The following TRHDE variants were observed in gnomAD, a reference collection of about 807,000 sequenced individuals.
The protein encoded by TRHDE is thyrotropin releasing hormone degrading enzyme, also known as thyrotropin-releasing hormone-degrading ectoenzyme.
A neutral mutation model predicts 125.7 loss-of-function variants in TRHDE; 72 were observed. The ratio of observed to expected loss-of-function variants is 0.57; its 90% confidence interval spans 0.47 to 0.70. The LOEUF is 0.70. TRHDE is among the 30% of genes least tolerant of loss of function. TRHDE has a pLI of 0.00. For synonymous variants in TRHDE, 509 were observed against 509.1 expected (o/e 1.00, Z 0.00); for missense variants, 1,110 against 1,327.1 (o/e 0.84, Z 2.54).
chr12:72,222,208 A>T (rs1429439133), intron 2 of TRHDE, among the ~76,000 whole-genome samples: 1 of 152,138 alleles, frequency 6.6e-6, no homozygotes, highest in Non-Finnish European at 1.5e-5. Context: ...TAGAGGACAT[A>T]GATCTGCTTT....
At chr12:72,102,407 G>A (rs921952021) in intron 1 of TRHDE, among the ~76,000 whole-genome samples, 2 of 152,236 alleles carry the variant, frequency 1.3e-5, no homozygotes, top group Non-Finnish European at 2.9e-5. Context: ...CCAGGAATTC[G>A]ATAGGTTCAT....
At chr12:72,120,382 GT>G (rs1875549750) in intron 2 of TRHDE, among the ~76,000 whole-genome samples, 2 of 151,766 alleles carry the variant, frequency 1.3e-5, no homozygotes, top group Admixed American at 1.3e-4. Flanking sequence ...TTTTCTAGTT[GT>G]TTTGTAGTCT....
At chr12:72,338,622 A>C (rs1869939594) in intron 2 of TRHDE, among the ~76,000 whole-genome samples, 2 of 152,196 alleles carry the variant, frequency 1.3e-5, no homozygotes, top group Non-Finnish European at 2.9e-5. Context: ...ACAAGGCTAT[A>C]AAGAGGACTC....
chr12:72,338,694 AGAT>A (rs1306896825), intron 2 of TRHDE, among the ~76,000 whole-genome samples: 1 of 152,190 alleles, frequency 6.6e-6, no homozygotes, highest in Admixed American at 6.5e-5. Context: ...ATCAGGTCGC[AGAT>A]GATGATGAAG....
intron 3 of TRHDE, among the ~76,000 whole-genome samples, chr12:72,394,014 T>A (rs1872700092): frequency 6.6e-6 from 1 of 152,190 alleles, no homozygotes; most frequent in Non-Finnish European, 1.5e-5. Flanking sequence ...ACCTGGCTCA[T>A]ACAAACATAG....
intron 5 of TRHDE, among the ~76,000 whole-genome samples, chr12:72,489,716 C>T (rs1877572855): frequency 6.6e-6 from 1 of 151,742 alleles, no homozygotes; most frequent in African/African-American, 2.4e-5. Flanking sequence ...TAATTTTTCA[C>T]AATGCCACCA....
intron 6 of TRHDE, among the ~76,000 whole-genome samples, chr12:72,516,375 A>G (rs1020490468): frequency 7.9e-5 from 12 of 151,996 alleles, no homozygotes; most frequent in African/African-American, 1.9e-4. Flanking sequence ...TTGTAAGTTC[A>G]ATTCCTAGGT....
intron 3 of TRHDE, among the ~76,000 whole-genome samples, chr12:72,380,767 CT>C (rs1565720510): frequency 2.7e-5 from 1 of 36,746 alleles, no homozygotes; most frequent in African/African-American, 9.2e-5. Context: ...TCCTTCCTTG[CT>C]TCCTTCCTTC....
rs1213422221 is a variant in TRHDE at position 72,621,344 on chromosome 12, G to C, written c.2567+139G>C. 3 of 644,608 alleles carry C rather than the reference G, an allele frequency of 4.7e-6. No homozygotes were observed. The East Asian group carries it at 8.4e-5, about 18-fold the overall frequency. The allele number at this position is 644,608 out of a possible 1,614,324, so 39.9% of individuals were successfully genotyped here. On this transcript the variant is annotated intron_variant, in intron 14 of 18. Coordinates refer to ENST00000261180, the MANE Select transcript of TRHDE (RefSeq NM_013381.3). ...TACATTTCACTTTCCCGAGAGGACT[G>C]CTGCTGGGTAGCACAGTTTCCATTG...
rs1362477086 is a variant in TRHDE, at chr12:72,652,472, C to T, written c.2826C>T (p.Asp942=). 1 of 1,605,826 alleles carries T rather than the reference C, an allele frequency of 6.2e-7. No homozygotes were observed. Among genetic ancestry groups the T allele is most frequent in the Non-Finnish European group, 8.5e-7 (1 of 1,175,750 alleles). Residue 942 remains aspartate, a synonymous_variant, in exon 16 of 19, where the codon GAC becomes GAT. Coordinates refer to ENST00000261180, the MANE Select transcript of TRHDE (RefSeq NM_013381.3). ...TGGAAGCCTTAACTTGCAGTGATGA[C>T]AGGAATTTATTAAACAGGTAGGCCG... ...ILLEALTCSD[D]RNLLNRLLNL...
At chr12:72,452,009 A>G (rs966567152) in intron 3 of TRHDE, among the ~76,000 whole-genome samples, 4 of 152,026 alleles carry the variant, frequency 2.6e-5, no homozygotes, top group Non-Finnish European at 4.4e-5. Flanking sequence ...TTGTATTTTT[A>G]GTAGAGACAG....
chr12:72,130,358 C>G (rs187391777), intron 2 of TRHDE, among the ~76,000 whole-genome samples: 184 of 152,184 alleles, frequency 1.2e-3, no homozygotes, highest in African/African-American at 4.2e-3. Flanking sequence ...TGAAAAAGAA[C>G]AGAAGTGCAG....
intron 2 of TRHDE, among the ~76,000 whole-genome samples, chr12:72,376,299 G>C (rs1871878638): frequency 6.6e-6 from 1 of 152,090 alleles, no homozygotes; most frequent in South Asian, 2.1e-4. Flanking sequence ...TTTCTCCTTA[G>C]AGCACTTCTT....
chr12:72,580,195 C>T (rs1211453173), intron 12 of TRHDE, among the ~76,000 whole-genome samples: 1 of 152,146 alleles, frequency 6.6e-6, no homozygotes, highest in Non-Finnish European at 1.5e-5. Flanking sequence ...TTCATTTATT[C>T]AGGTCCCAAA....
At chr12:72,374,678 G>A (rs1871792579) in intron 2 of TRHDE, among the ~76,000 whole-genome samples, 1 of 152,098 alleles carries the variant, frequency 6.6e-6, no homozygotes, top group Non-Finnish European at 1.5e-5. Flanking sequence ...GACAGGAAGT[G>A]ATCGATCAAC....
intron 2 of TRHDE, among the ~76,000 whole-genome samples, chr12:72,305,688 C>T (rs111487537): frequency 3.9e-5 from 6 of 152,146 alleles, no homozygotes; most frequent in South Asian, 4.2e-4. Flanking sequence ...AATCCCAAGC[C>T]GGCAAGACAA....
chr12:72,538,624 G>T (rs1446897737), intron 6 of TRHDE, among the ~76,000 whole-genome samples: 2 of 151,806 alleles, frequency 1.3e-5, no homozygotes, highest in Non-Finnish European at 2.9e-5. Flanking sequence ...GGTTGAACTT[G>T]CCCTCTGTTC....
intron 3 of TRHDE, among the ~76,000 whole-genome samples, chr12:72,440,472 CTG>C (rs1255945409): frequency 2.6e-5 from 4 of 151,398 alleles, no homozygotes; most frequent in African/African-American, 4.8e-5. Flanking sequence ...TTTTTGCAAA[CTG>C]TTTTTCGTTT....
intron 2 of TRHDE, among the ~76,000 whole-genome samples, chr12:72,178,572 A>C (rs1456895368): frequency 6.6e-6 from 1 of 152,104 alleles, no homozygotes; most frequent in East Asian, 1.9e-4. Context: ...TGTGTTTGAC[A>C]AGATTTGATG....
Sources: allele counts gnomAD v4.1 joint callset (sites outside exome capture counted in the v4.1 genomes callset), GRCh38; gene constraint gnomAD v4.1.1; transcripts MANE v1.5; gene names NCBI Gene and HGNC (gene_info 2026-07-23, HGNC 2026-07-21).